ROBO2: variants seen among roughly 807,000 people sequenced by gnomAD.
ROBO2 encodes the protein roundabout guidance receptor 2, also known as roundabout homolog 2.
A neutral mutation model predicts 160.8 loss-of-function variants in ROBO2; 53 were observed. That is an observed-to-expected ratio of 0.33 (90% confidence interval 0.26 to 0.41). The LOEUF (loss-of-function observed/expected upper bound fraction) is 0.41, where lower values mean the gene tolerates loss of function less well. Among genes scored for constraint, ROBO2 ranks in the 10% least tolerant of loss-of-function variants. ROBO2 has a pLI of 1.00. For missense variants in ROBO2, 1,577 were observed against 1,722.4 expected, an observed-to-expected ratio of 0.92 and a Z score of 1.49; for synonymous variants, 664 against 611.7, an observed-to-expected ratio of 1.09 and a Z score of -1.26.
chr3:77,433,399 G>A (rs1310969445), intron 2 of ROBO2, among the ~76,000 whole-genome samples: 3 of 148,538 alleles, frequency 2.0e-5, no homozygotes, highest in African/African-American at 7.4e-5. Context: ...ATCACTCCTA[G>A]ATGACATCTA....
intron 2 of ROBO2, among the ~76,000 whole-genome samples, chr3:76,456,992 A>T (rs1389954217): frequency 6.6e-6 from 1 of 152,158 alleles, no homozygotes; most frequent in Non-Finnish European, 1.5e-5. Flanking sequence ...CTCCCATAAC[A>T]TGTGAGAATT....
intron 2 of ROBO2, among the ~76,000 whole-genome samples, chr3:77,266,219 C>G (rs1290195979): frequency 6.6e-6 from 1 of 151,382 alleles, no homozygotes; most frequent in Non-Finnish European, 1.5e-5. Context: ...ATCTCTTATT[C>G]CTGCACTCTT....
At chr3:75,926,775 T>G (rs1210563802) in intron 1 of ROBO2, among the ~76,000 whole-genome samples, 1 of 152,210 alleles carries the variant, frequency 6.6e-6, no homozygotes, top group African/African-American at 2.4e-5. Context: ...ATCGAACATT[T>G]TAAAACAATT....
chr3:76,528,684 A>T (rs2082069881), intron 2 of ROBO2, among the ~76,000 whole-genome samples: 1 of 152,048 alleles, frequency 6.6e-6, no homozygotes, highest in African/African-American at 2.4e-5. Flanking sequence ...TAGGCTGCAT[A>T]TGTAGGTTTC....
intron 2 of ROBO2, among the ~76,000 whole-genome samples, chr3:76,486,020 C>T (rs1204517703): frequency 6.6e-6 from 1 of 152,182 alleles, no homozygotes; most frequent in Non-Finnish European, 1.5e-5. Flanking sequence ...CACTCTCCAG[C>T]TACAACATCT....
At chr3:75,932,561 G>T (rs1244784959) in intron 1 of ROBO2, among the ~76,000 whole-genome samples, 1 of 152,158 alleles carries the variant, frequency 6.6e-6, no homozygotes, top group East Asian at 1.9e-4. Context: ...AGCAGGCATC[G>T]TGTGTTATTC....
At chr3:77,138,988 C>T (rs989734048) in intron 2 of ROBO2, among the ~76,000 whole-genome samples, 17 of 151,924 alleles carry the variant, frequency 1.1e-4, no homozygotes, top group African/African-American at 3.6e-4. Flanking sequence ...TTAGCAACCG[C>T]GCTGTTTTTA....
At chr3:76,849,453 G>A (rs571152373) in intron 2 of ROBO2, among the ~76,000 whole-genome samples, 25 of 152,228 alleles carry the variant, frequency 1.6e-4, no homozygotes, top group African/African-American at 6.0e-4. Flanking sequence ...CAGCTAACTT[G>A]AAGTACATAG....
At chr3:76,998,256 G>A (rs74452636) in intron 2 of ROBO2, among the ~76,000 whole-genome samples, 26,671 of 151,984 alleles carry the variant, frequency 0.18, 2,401 homozygotes, top group Non-Finnish European at 0.19. Flanking sequence ...TATTATAATA[G>A]ATAATGGAGA....
At chr3:77,364,701 A>T (rs780635856) in intron 2 of ROBO2, among the ~76,000 whole-genome samples, 4 of 152,170 alleles carry the variant, frequency 2.6e-5, no homozygotes, top group Non-Finnish European at 4.4e-5. Flanking sequence ...AGTAACTGTT[A>T]TGCTTTTTTT....
At chr3:77,068,888 A>G (rs549116612) in intron 1 of ROBO2, among the ~76,000 whole-genome samples, 1 of 152,054 alleles carries the variant, frequency 6.6e-6, no homozygotes, top group Non-Finnish European at 1.5e-5. Flanking sequence ...ACTATAATAA[A>G]TTTTTTTACA....
chr3:76,725,594 A>C (rs969291142), intron 2 of ROBO2, among the ~76,000 whole-genome samples: 4 of 152,144 alleles, frequency 2.6e-5, no homozygotes, highest in African/African-American at 9.7e-5. Flanking sequence ...CATTTCATAC[A>C]TGTTCCTGAA....
chr3:77,104,012 C>CA (rs1184110698), intron 2 of ROBO2, among the ~76,000 whole-genome samples: 2 of 151,846 alleles, frequency 1.3e-5, no homozygotes, highest in Non-Finnish European at 2.9e-5. Flanking sequence ...AATTAAATTG[C>CA]AAAAAGATCA....
intron 2 of ROBO2, among the ~76,000 whole-genome samples, chr3:76,216,637 C>T (rs1353783032): frequency 6.6e-6 from 1 of 152,134 alleles, no homozygotes; most frequent in African/African-American, 2.4e-5. Flanking sequence ...GCACCCAATA[C>T]AGGAGCACCC....
chr3:77,457,521 G>T (rs2081793455), intron 2 of ROBO2, among the ~76,000 whole-genome samples: 1 of 152,052 alleles, frequency 6.6e-6, no homozygotes, highest in African/African-American at 2.4e-5. Flanking sequence ...AAGTTAAATG[G>T]TTATTCACTA....
intron 11 of ROBO2, chr3:77,564,620 A>T: frequency 2.3e-6 from 1 of 428,268 alleles, no homozygotes; most frequent in Non-Finnish European, 4.4e-6. Context: ...CGAGGACCAT[A>T]CTTATTGTAT....
rs533555325 is a variant in ROBO2, at chr3:76,395,511, C to A, written c.109+457909C>A. Among the ~76,000 whole-genome samples, 1,173 of 143,894 alleles carry A rather than the reference C, an allele frequency of 8.2e-3. 8 individuals are homozygous for A. The highest frequency in any genetic ancestry group is 0.047 in the South Asian group (212 of 4,504). 94.4% of individuals were successfully genotyped at this position (143,894 alleles called of 152,430 possible). The stretch of plus-strand genomic sequence containing the variant: ...GGAAATAGAGACAAAAAAAAACCTT[C>A]AAAAAATTAATGAATCCAGGAGCTG... On this transcript the variant is annotated intron_variant, in intron 2 of 26. Transcript: ENST00000487694.
chr3:76,191,451 G>A (rs1701999708), intron 2 of ROBO2, among the ~76,000 whole-genome samples: 1 of 152,068 alleles, frequency 6.6e-6, no homozygotes, highest in Non-Finnish European at 1.5e-5. Flanking sequence ...TTTCCAGCAA[G>A]GTCATACTTA....
intron 21 of ROBO2, among the ~76,000 whole-genome samples, chr3:77,612,363 A>C (rs573391523): frequency 6.6e-6 from 1 of 152,342 alleles, no homozygotes; most frequent in South Asian, 2.1e-4. Flanking sequence ...TAACTGCATG[A>C]AACCTAAGTA....
Sources: allele counts gnomAD v4.1 joint callset (sites outside exome capture counted in the v4.1 genomes callset), GRCh38; gene constraint gnomAD v4.1.1; transcripts MANE v1.5; gene names NCBI Gene and HGNC (gene_info 2026-07-23, HGNC 2026-07-21).